Variants in KCTD7 observed in about 807,000 individuals in gnomAD.
KCTD7 encodes the protein potassium channel tetramerization domain containing 7.
A neutral mutation model predicts 27.0 loss-of-function variants in KCTD7; 15 were observed. The ratio of observed to expected loss-of-function variants is 0.56; its 90% CI spans 0.37 to 0.86. The LOEUF is 0.86. Ranked by LOEUF, KCTD7 falls within the 40% of genes least tolerant of loss-of-function variation. KCTD7 has a pLI of 0.00. For missense variants in KCTD7, 299 were observed against 398.9 expected (o/e 0.75, Z 2.13); for synonymous variants, 159 against 162.7 (o/e 0.98, Z 0.17).
intron 1 of KCTD7, among the ~76,000 whole-genome samples, chr7:66,632,894 A>ATG (rs1022346136): frequency 4.0e-5 from 6 of 150,758 alleles, no homozygotes; most frequent in African/African-American, 1.5e-4. Context: ...AAATATATAT[A>ATG]TATATACAAA....
Position 66,638,993 on chromosome 7 carries a change from C to A in KCTD7, c.631C>A (p.Arg211=), listed in dbSNP as rs750811871. ...PYECPLLNSL[R]FERSESDGQL... ...TGAGTGTCCGCTCCTCAACTCCCTG[C>A]GATTTGAGCGGAGTGAGAGTGACGG... The change falls in exon 4 of 4, where the codon CGA becomes AGA. Residue 211 remains arginine (R), a synonymous_variant. Transcript: ENST00000639828. 1 of 1,614,184 alleles carries A rather than the reference C, an allele frequency of 6.2e-7. No homozygotes were observed. Among genetic ancestry groups the A allele is most frequent in the African/African-American group, 1.3e-5 (1 of 75,034 alleles).
At position 66,639,925 on chromosome 7, in the gene KCTD7, G is replaced by A; in HGVS notation, c.*693G>A. 8.0e-7 allele frequency: 1 copy of A among 1,245,766 alleles called. No homozygotes were observed. The highest frequency in any genetic ancestry group is 1.0e-6 in the Non-Finnish European group (1 of 996,692). 77.2% of individuals were successfully genotyped at this position (1,245,766 alleles called of 1,614,324 possible). A position where few individuals can be genotyped will look rare whatever the true frequency, so the allele number is the denominator to read the frequency against. On this transcript the variant is annotated 3_prime_UTR_variant, in exon 4 of 4. Transcript: ENST00000639828. ...TTTACAGCCCTGTCTTAGGGCCGCG[G>A]CTTCTCTTATCTTCCACCACCTTCC...
In KCTD7 at chr7:66,629,103, T is replaced by G. The variant is rs1482617720; in HGVS notation, c.39T>G (p.Arg13=). The part of the protein sequence containing the change: ...VVTGREPDSR[R]QDGAMSSSDA... ...CGGGGCGGGAGCCAGACAGCCGTCG[T>G]CAGGACGGTGCCATGTCCAGCTCTG... is the stretch of plus-strand genomic sequence containing the variant. The change falls in exon 1 of 4, where the codon CGT becomes CGG. Residue 13 remains arginine, a synonymous_variant. Coordinates refer to ENST00000639828, the MANE Select transcript of KCTD7 (RefSeq NM_153033.5). 1.3e-6 allele frequency: 2 copies of G among 1,539,892 alleles called. No individual in the cohort carries two copies. Among genetic ancestry groups the G allele is most frequent in the Non-Finnish European group, 1.7e-6 (2 of 1,145,674 alleles).
chr7:66,629,229 C>A, intron 1 of KCTD7, 21 bp downstream of exon 1: 1 of 1,321,504 alleles, frequency 7.6e-7, no homozygotes, highest in Non-Finnish European at 9.7e-7. Flanking sequence ...GGGCGGCGGG[C>A]CGCGGGGCGT....
intron 1 of KCTD7, among the ~76,000 whole-genome samples, chr7:66,631,107 A>G (rs1002423241): frequency 6.6e-6 from 1 of 152,144 alleles, no homozygotes; most frequent in African/African-American, 2.4e-5. Flanking sequence ...AAGTGTAACT[A>G]CCTGTCTATT....
intron 1 of KCTD7, among the ~76,000 whole-genome samples, chr7:66,630,798 C>T (rs1360376514): frequency 6.6e-6 from 1 of 151,944 alleles, no homozygotes; most frequent in Non-Finnish European, 1.5e-5. Context: ...GACCAGGGCC[C>T]CACCACCAGT....
chr7:66,634,351 G>A (rs1786536753), intron 2 of KCTD7, among the ~76,000 whole-genome samples: 1 of 151,598 alleles, frequency 6.6e-6, no homozygotes, highest in African/African-American at 2.4e-5. Context: ...AGTTTTAGGT[G>A]TTGTTTTTTT....
chr7:66,639,795 GAAA>G lies in KCTD7; in HGVS notation c.*564_*566del. The G allele has an allele frequency of 4.0e-6, 5 of 1,250,142 alleles. No individual in the cohort carries two copies. The highest frequency in any genetic ancestry group is 5.0e-6 in the Non-Finnish European group (5 of 998,602). The allele number at this position is 1,250,142 out of a possible 1,614,324, so 77.4% of individuals were successfully genotyped here. ...TAGTTGCCCACATTCCCAAAATGTGGAAAGACTTTTCTTTTCCTTCCGGAACAT... is the reference window on the plus strand; with the variant it reads ...TAGTTGCCCACATTCCCAAAATGTGGGACTTTTCTTTTCCTTCCGGAACAT... On this transcript the variant is annotated 3_prime_UTR_variant, in exon 4 of 4. Transcript: ENST00000639828.
intron 1 of KCTD7, among the ~76,000 whole-genome samples, chr7:66,632,885 A>AAAAT (rs1554397724): frequency 4.7e-4 from 70 of 149,542 alleles, no homozygotes; most frequent in African/African-American, 1.6e-3. Context: ...CTACTAAAAA[A>AAAAT]ATATATATAT....
chr7:66,638,234 C>G lies in KCTD7; in HGVS notation c.315-19C>G. On this transcript the variant is annotated intron_variant, in intron 2 of 3. Transcript: ENST00000639828. ...GAGCATAAGCTCCTTGTCACCGACCCTCTTTCCTTCCTGCTTAGAGATGTG... is the reference window on the plus strand; with the variant it reads ...GAGCATAAGCTCCTTGTCACCGACCGTCTTTCCTTCCTGCTTAGAGATGTG... The G allele has an allele frequency of 6.2e-7, 1 of 1,614,136 alleles. No individual in the cohort carries two copies. The highest frequency in any genetic ancestry group is 8.5e-7 in the Non-Finnish European group (1 of 1,179,990).
At chr7:66,633,952 C>T (rs142865930) in intron 2 of KCTD7, among the ~76,000 whole-genome samples, 12 of 151,922 alleles carry the variant, frequency 7.9e-5, no homozygotes, top group Non-Finnish European at 1.2e-4. Context: ...CACGCCTCTG[C>T]GCTCCAGCCT....
chr7:66,638,268 C>T lies in KCTD7; in HGVS notation c.330C>T (p.Phe110=), dbSNP rs748562227. 1 of 1,614,212 alleles carries T rather than the reference C, an allele frequency of 6.2e-7. No individual in the cohort carries two copies. The highest frequency in any genetic ancestry group is 1.1e-5 in the South Asian group (1 of 91,076). ...DGTHFGDVLN[F]LRSGDLPPRE... ...TCCTGCTTAGAGATGTGCTGAATTTCCTGCGCTCAGGGGACCTCCCACCCA... is the reference window on the plus strand; with the variant it reads ...TCCTGCTTAGAGATGTGCTGAATTTTCTGCGCTCAGGGGACCTCCCACCCA... Residue 110 remains phenylalanine, a synonymous_variant, in exon 3 of 4, where the codon TTC becomes TTT. Coordinates refer to ENST00000639828, the MANE Select transcript of KCTD7 (RefSeq NM_153033.5).
Position 66,639,293 on chromosome 7 carries a change from G to A in KCTD7, c.*61G>A. ...TGTCCACCTTGCTTGGTGGCTCTGG[G>A]AGTAAGATCCCTGAAGGGGCTGCTG... On this transcript the variant is annotated 3_prime_UTR_variant, in exon 4 of 4. Transcript: ENST00000639828. The A allele has an allele frequency of 6.3e-7, 1 of 1,599,888 alleles. No individual in the cohort carries two copies. Among genetic ancestry groups the A allele is most frequent in the Non-Finnish European group, 8.5e-7 (1 of 1,179,806 alleles).
Position 66,641,498 on chromosome 7 carries a change from C to CA in KCTD7, c.*2271dup, listed in dbSNP as rs1412569940. 1.0e-6 allele frequency: 1 copy of CA among 985,246 alleles called. No homozygotes were observed. The highest frequency in any genetic ancestry group is 1.2e-6 in the Non-Finnish European group (1 of 829,926). 61.0% of individuals were successfully genotyped at this position (985,246 alleles called of 1,614,324 possible). On this transcript the variant is annotated 3_prime_UTR_variant, in exon 4 of 4. Transcript: ENST00000639828. ...TTGTTTGCTCAAATGCAAGTTTGCT[C>CA]AAAAACAGGTCCTGAAGGCTTGCTT...
intron 1 of KCTD7, among the ~76,000 whole-genome samples, chr7:66,632,879 T>TAA (rs541701721): frequency 0.043 from 4,888 of 113,928 alleles, 81 homozygotes; most frequent in East Asian, 0.082. Context: ...CCATCTCTAC[T>TAA]AAAAAAATAT....
chr7:66,639,224 T>G lies in KCTD7; in HGVS notation c.862T>G (p.Trp288Gly). The change falls in exon 4 of 4, where the codon TGG (tryptophan) becomes GGG (glycine). Residue 288 changes from tryptophan to glycine, a missense_variant. Trp to Gly is a radical substitution (Grantham distance 184). Transcript: ENST00000639828. ...KRPIYEFKIT[W>G]W The stretch of plus-strand genomic sequence containing the variant: ...CCCCATCTATGAGTTCAAGATCACA[T>G]GGTGGTGAGTAGCCCCGGTAGGCGA... The G allele has an allele frequency of 1.2e-6, 2 of 1,612,038 alleles. No individual in the cohort carries two copies. The highest frequency in any genetic ancestry group is 1.7e-6 in the Non-Finnish European group (2 of 1,180,014).
chr7:66,632,216 G>C (rs759103153), intron 1 of KCTD7, among the ~76,000 whole-genome samples: 1 of 150,744 alleles, frequency 6.6e-6, no homozygotes, highest in African/African-American at 2.4e-5. Flanking sequence ...GGCCGGGCGT[G>C]GTGGCTCACG....
rs1221583235 is a variant in KCTD7 at position 66,640,435 on chromosome 7, C to T, written c.*1203C>T. 5 of 1,537,150 alleles carry T rather than the reference C, an allele frequency of 3.3e-6. No homozygotes were observed. Among genetic ancestry groups the T allele is most frequent in the Admixed American group, 2.0e-5 (1 of 50,982 alleles). On this transcript the variant is annotated 3_prime_UTR_variant, in exon 4 of 4. Transcript: ENST00000639828. The stretch of plus-strand genomic sequence containing the variant: ...CCAAGGATCTGTTACTACTGCATTT[C>T]CTTCTTGCTCTGTCTACAGCCTAGG...
chr7:66,639,855 A>G lies in KCTD7; in HGVS notation c.*623A>G. The G allele has an allele frequency of 8.0e-7, 1 of 1,247,174 alleles. No individual in the cohort carries two copies. The highest frequency in any genetic ancestry group is 1.0e-6 in the Non-Finnish European group (1 of 996,508). The allele number at this position is 1,247,174 out of a possible 1,614,324, so 77.3% of individuals were successfully genotyped here. On this transcript the variant is annotated 3_prime_UTR_variant, in exon 4 of 4. Coordinates refer to ENST00000639828, the MANE Select transcript of KCTD7 (RefSeq NM_153033.5). ...CACCACCTTTTGGAGATTTAACCAT[A>G]GCTGCCAAAGCTATGCACCCAGTTG... is the stretch of plus-strand genomic sequence containing the variant.
Sources: allele counts gnomAD v4.1 joint callset (sites outside exome capture counted in the v4.1 genomes callset), GRCh38; gene constraint gnomAD v4.1.1; transcripts MANE v1.5; gene names NCBI Gene and HGNC (gene_info 2026-07-23, HGNC 2026-07-21).